CCAR1: variants seen among roughly 807,000 people sequenced by gnomAD.
CCAR1 encodes cell division cycle and apoptosis regulator 1, also known as cell division cycle and apoptosis regulator protein 1.
In CCAR1, 78 loss-of-function variants were observed where a neutral mutation model predicts 163.8. That is an observed-to-expected ratio of 0.48 (90% CI 0.40 to 0.57). The LOEUF is 0.57. Among genes scored for constraint, CCAR1 ranks in the 20% least tolerant of loss-of-function variants. The probability of loss-of-function intolerance (pLI) is 0.00; values close to 1 mark genes in which losing one functional copy is unlikely to be tolerated. For missense variants in CCAR1, 1,019 were observed against 1,365.2 expected, an observed-to-expected ratio of 0.75 and a Z score of 4.00; for synonymous variants, 443 against 460.7, an observed-to-expected ratio of 0.96 and a Z score of 0.49.
chr10:68,744,171 C>T (rs1023296500), intron 6 of CCAR1, among the ~76,000 whole-genome samples: 1 of 152,216 alleles, frequency 6.6e-6, no homozygotes, highest in African/African-American at 2.4e-5. Context: ...AGGCGTGAAC[C>T]ACTGCGCCTA....
chr10:68,746,258 A>G (rs2056253091), intron 6 of CCAR1, among the ~76,000 whole-genome samples: 1 of 144,584 alleles, frequency 6.9e-6, no homozygotes, highest in South Asian at 2.2e-4. Flanking sequence ...GGCGTGAGCC[A>G]CCGCGCCCAG....
intron 2 of CCAR1, among the ~76,000 whole-genome samples, chr10:68,722,924 A>G (rs1366056693): frequency 6.6e-6 from 1 of 152,010 alleles, no homozygotes; most frequent in African/African-American, 2.4e-5. Flanking sequence ...TCCGTCTCAA[A>G]AAAACAAAAC....
Position 68,791,313 on chromosome 10 carries a change from TA to T in CCAR1, c.*52del. 7.9e-7 allele frequency: 1 copy of T among 1,271,020 alleles called. No homozygotes were observed. The highest frequency in any genetic ancestry group is 1.1e-6 in the Non-Finnish European group (1 of 899,178). The allele number at this position is 1,271,020 out of a possible 1,614,324, so 78.7% of individuals were successfully genotyped here. ...GAATGGTGTTAAATAATGTAATATATAAAAATCATGATATAAGAATGTTTGA... is the reference window on the plus strand; with the variant it reads ...GAATGGTGTTAAATAATGTAATATATAAAATCATGATATAAGAATGTTTGA... On this transcript the variant is annotated 3_prime_UTR_variant, in exon 25 of 25. Coordinates refer to ENST00000265872, the MANE Select transcript of CCAR1 (RefSeq NM_018237.4).
chr10:68,727,337 A>G (rs1470793831), intron 2 of CCAR1, among the ~76,000 whole-genome samples: 3 of 152,076 alleles, frequency 2.0e-5, no homozygotes, highest in Admixed American at 6.6e-5. Flanking sequence ...GTGGCCTCCC[A>G]AAGCTAAGCT....
intron 2 of CCAR1, among the ~76,000 whole-genome samples, chr10:68,724,332 T>C (rs2055908842): frequency 6.6e-6 from 1 of 151,158 alleles, no homozygotes; most frequent in South Asian, 2.1e-4. Flanking sequence ...TTGGCGTGTT[T>C]GTGCAAGCCT....
intron 10 of CCAR1, among the ~76,000 whole-genome samples, chr10:68,751,090 C>T (rs971912174): frequency 6.6e-6 from 1 of 151,354 alleles, no homozygotes; most frequent in Non-Finnish European, 1.5e-5. Context: ...AGCAATGGCG[C>T]GATCTTGGCT....
rs2056798703 is a variant in CCAR1, at chr10:68,786,685, G to A, written c.2873G>A (p.Arg958Gln). 6.3e-7 allele frequency: 1 copy of A among 1,587,908 alleles called. No homozygotes were observed. Among genetic ancestry groups the A allele is most frequent in the Non-Finnish European group, 8.5e-7 (1 of 1,172,226 alleles). Residue 958 changes from arginine to glutamine, a missense_variant, in exon 21 of 25, where the codon CGG becomes CAG. Arg to Gln is a conservative substitution (Grantham distance 43). Coordinates refer to ENST00000265872, the MANE Select transcript of CCAR1 (RefSeq NM_018237.4). ...ILYTLGLHLS[R>Q]AQVKKLLNKV... ...TATACTCTTGGACTACATCTTTCTC[G>A]GGCTCAGGTAATCTATCTTGTGAAT...
intron 8 of CCAR1, 81 bp downstream of exon 8, chr10:68,747,647 G>A (rs2056274911): frequency 1.5e-6 from 2 of 1,321,950 alleles, no homozygotes; most frequent in South Asian, 1.4e-5. Flanking sequence ...ACAAAAAAAG[G>A]CAGGGATTTC....
At position 68,756,181 on chromosome 10, in the gene CCAR1, A is replaced by G. The variant is rs1177555535; in HGVS notation, c.1626-92A>G. ...AGACCAACCTCAAGTTCTTGCAGCA[A>G]AATTTCTTTACTTGATGTGCTACAA... On this transcript the variant is annotated intron_variant, in intron 13 of 24. Coordinates refer to ENST00000265872, the MANE Select transcript of CCAR1 (RefSeq NM_018237.4). The surrounding 1 kb of genome is among the most constrained non-coding windows in gnomAD (Gnocchi z 5.1). 2 of 1,003,606 alleles carry G rather than the reference A, an allele frequency of 2.0e-6. No homozygotes were observed. The highest frequency in any genetic ancestry group is 3.2e-5 in the African/African-American group (2 of 61,588). The allele number at this position is 1,003,606 out of a possible 1,614,324, so 62.2% of individuals were successfully genotyped here. A position where few individuals can be genotyped will look rare whatever the true frequency, so the allele number is the denominator to read the frequency against.
chr10:68,737,759 A>G (rs2056130794), intron 3 of CCAR1, 86 bp from the exon 4 acceptor site: 1 of 690,144 alleles, frequency 1.4e-6, no homozygotes, highest in Non-Finnish European at 2.5e-6. Context: ...GTGTAATTGT[A>G]TGTATTTCTA....
At chr10:68,767,185 T>G (rs2056546610) in intron 17 of CCAR1, among the ~76,000 whole-genome samples, 1 of 152,238 alleles carries the variant, frequency 6.6e-6, no homozygotes, top group South Asian at 2.1e-4. Flanking sequence ...TTTAAAGAGA[T>G]AAAAAATTTA....
intron 16 of CCAR1, among the ~76,000 whole-genome samples, chr10:68,762,341 A>G (rs1365816837): frequency 1.2e-4 from 8 of 67,872 alleles, no homozygotes; most frequent in African/African-American, 3.2e-4. Flanking sequence ...AAAAAAAACA[A>G]AACAAAAAAC....
At position 68,787,341 on chromosome 10, in the gene CCAR1, A is replaced by G. The variant is rs565185527; in HGVS notation, c.2881-586A>G. 3.9e-5 allele frequency among the ~76,000 whole-genome samples: 6 copies of G among 152,030 alleles called. No individual in the cohort carries two copies. In the East Asian group the frequency reaches 1.2e-3, roughly 29 times the overall value. ...CCTGCCTCATTCTTTTTATAGCTGC[A>G]CAGTACCCATTATACAGATGTACCA... On this transcript the variant is annotated intron_variant, in intron 21 of 24. Transcript: ENST00000265872.
At position 68,742,481 on chromosome 10, in the gene CCAR1, C is replaced by A. The variant is rs543161845; in HGVS notation, c.430C>A (p.Pro144Thr). Residue 144 changes from proline (P) to threonine (T), a missense_variant, in exon 6 of 25, where the codon CCT (proline) becomes ACT (threonine). Physicochemically the swap from Pro to Thr is conservative, Grantham distance 38 (BLOSUM62 -1). This residue lies in a region of CCAR1 where 644 missense variants were observed against 904.4 expected (regional missense o/e 0.71). Coordinates refer to ENST00000265872, the MANE Select transcript of CCAR1 (RefSeq NM_018237.4). ...TPRSSQQQTQ[P>T]QKQRVFTGVV... ...AAGGTCCAGTCAACAGCAAACCCAGCCTCAGAAGCAGCGTGTTTTCACAGG... is the reference window on the plus strand; with the variant it reads ...AAGGTCCAGTCAACAGCAAACCCAGACTCAGAAGCAGCGTGTTTTCACAGG... The A allele has an allele frequency of 1.2e-6, 2 of 1,614,136 alleles. No individual in the cohort carries two copies. The highest frequency in any genetic ancestry group is 2.2e-5 in the South Asian group (2 of 91,080).
rs115335920 is a variant in CCAR1, at chr10:68,779,632, G to A, written c.2651-6504G>A. Among the ~76,000 whole-genome samples, 919 of 152,240 alleles carry A rather than the reference G, an allele frequency of 6.0e-3. 7 individuals are homozygous for A. Among genetic ancestry groups the A allele is most frequent in the African/African-American group, 0.021 (877 of 41,542 alleles). Reference sequence around the variant, plus strand: ...TAACACAGTTTAACAAGGGTAAAAGGAGTTACACTTTCATCACTCTTCTTT... The same window carrying A: ...TAACACAGTTTAACAAGGGTAAAAGAAGTTACACTTTCATCACTCTTCTTT... On this transcript the variant is annotated intron_variant, in intron 19 of 24. Coordinates refer to ENST00000265872, the MANE Select transcript of CCAR1 (RefSeq NM_018237.4).
intron 19 of CCAR1, among the ~76,000 whole-genome samples, chr10:68,783,681 G>T (rs2056763190): frequency 6.6e-6 from 1 of 152,042 alleles, no homozygotes; most frequent in Admixed American, 6.6e-5. Context: ...TAGAGCAAGA[G>T]AACTAAAATT....
intron 1 of CCAR1, chr10:68,721,531 C>T (rs985198516): frequency 2.2e-6 from 1 of 446,344 alleles, no homozygotes; most frequent in African/African-American, 2.1e-5. Flanking sequence ...GCCCCTCAGC[C>T]TCGGCATGGC....
intron 5 of CCAR1, 82 bp downstream of exon 5, chr10:68,740,743 C>T (rs2056171952): frequency 8.8e-7 from 1 of 1,130,210 alleles, no homozygotes; most frequent in African/African-American, 1.6e-5. Context: ...CTTTTTCTTT[C>T]AGGGTTTAGT....
At chr10:68,754,899 C>A in intron 12 of CCAR1, 72 bp downstream of exon 12, 1 of 799,478 alleles carries the variant, frequency 1.3e-6, no homozygotes, top group Non-Finnish European at 2.1e-6. Context: ...CACATAAAAT[C>A]TAAAGCCCTA....
Sources: gnomAD v4.1 joint callset for allele counts (sites outside exome capture counted in the v4.1 genomes callset) on GRCh38, gnomAD v4.1.1 for gene constraint, gnomAD v4.1.1 regional missense constraint, Gnocchi (gnomAD v3.1) non-coding constraint, MANE v1.5 for transcripts, NCBI Gene and HGNC (gene_info 2026-07-23, HGNC 2026-07-21) for gene names.